Variants in DNAH2 observed in about 807,000 individuals in gnomAD.
DNAH2 encodes the protein axonemal beta dynein heavy chain 2.
In DNAH2, 323 loss-of-function variants were observed where a neutral mutation model predicts 523.5. That is an observed-to-expected ratio of 0.62 (90% CI 0.56 to 0.68). DNAH2 has a LOEUF of 0.68. Ranked by LOEUF, DNAH2 falls within the 30% of genes least tolerant of loss-of-function variation. The probability of loss-of-function intolerance (pLI) is 0.00; values close to 1 mark genes in which losing one functional copy is unlikely to be tolerated. For synonymous variants in DNAH2, 2,093 were observed against 2,177.4 expected, an observed-to-expected ratio of 0.96 and a Z score of 1.08; for missense variants, 4,907 against 5,701.5, an observed-to-expected ratio of 0.86 and a Z score of 4.49.
At position 7,792,846 on chromosome 17, in the gene DNAH2, G is replaced by T; in HGVS notation, c.7335G>T (p.Met2445Ile). 2 of 1,613,836 alleles carry T rather than the reference G, an allele frequency of 1.2e-6. No homozygotes were observed. The highest frequency in any genetic ancestry group is 1.7e-6 in the Non-Finnish European group (2 of 1,179,740). Reference protein sequence around the residue: ...SSQWSVLVVNMSAQTTSNNVQ... With the variant: ...SSQWSVLVVNISAQTTSNNVQ... ...AGTGGTCGGTGCTCGTTGTCAACAT[G>T]TCCGCACAGGTGTGTCGGGGATCCA... The change falls in exon 47 of 86, where the codon ATG (methionine) becomes ATT (isoleucine). Residue 2445 changes from methionine (M) to isoleucine (I), a missense_variant. By Grantham distance (10) the Met-to-Ile change is conservative. Transcript: ENST00000572933.
In DNAH2 at chr17:7,767,827, G is replaced by A. The variant is rs374021436; in HGVS notation, c.3676-73G>A. 1,591 of 1,597,900 alleles carry A rather than the reference G, an allele frequency of 1.0e-3. 32 individuals carry two copies. The South Asian group carries it at 0.017, about 17-fold the overall frequency. ...GGAAGCTTCACAGAGCGAGAGCAGC[G>A]AAGGGCCTGGGCGTCCGTCAGGGAG... On this transcript the variant is annotated intron_variant, in intron 22 of 85. Coordinates refer to ENST00000572933, the MANE Select transcript of DNAH2 (RefSeq NM_020877.5).
chr17:7,816,237 C>T (rs952865455), intron 63 of DNAH2, among the ~76,000 whole-genome samples: 2 of 152,204 alleles, frequency 1.3e-5, no homozygotes, highest in Admixed American at 6.5e-5. Flanking sequence ...CTGGCCTTCA[C>T]TTGCCACCAT....
At position 7,745,886 on chromosome 17, in the gene DNAH2, G is replaced by A. The variant is rs972240997; in HGVS notation, c.1904+2744G>A. Among the ~76,000 whole-genome samples, 3 of 152,052 alleles carry A rather than the reference G, an allele frequency of 2.0e-5. 1 individual carries two copies. The highest frequency in any genetic ancestry group is 2.0e-4 in the Admixed American group (3 of 15,272). On this transcript the variant is annotated intron_variant, in intron 12 of 85. Transcript: ENST00000572933. Reference sequence around the variant, plus strand: ...TTCTACTCGCCAGGGGTCAGCCAGCGAGAGTAGATACAGCATCAACTTCAG... The same window carrying A: ...TTCTACTCGCCAGGGGTCAGCCAGCAAGAGTAGATACAGCATCAACTTCAG...
intron 12 of DNAH2, among the ~76,000 whole-genome samples, chr17:7,750,948 C>G (rs2075664726): frequency 6.6e-6 from 1 of 152,012 alleles, no homozygotes; most frequent in Non-Finnish European, 1.5e-5. Flanking sequence ...GTAGAAAAGA[C>G]TAAAAAAATT....
chr17:7,812,391 G>A (rs551080722), intron 63 of DNAH2, among the ~76,000 whole-genome samples: 1 of 152,160 alleles, frequency 6.6e-6, no homozygotes, highest in Middle Eastern at 3.4e-3. Flanking sequence ...GCAGGGGCCG[G>A]GGGATTGCTT....
intron 63 of DNAH2, among the ~76,000 whole-genome samples, chr17:7,815,813 C>T (rs1334103426): frequency 6.6e-6 from 1 of 152,136 alleles, no homozygotes; most frequent in Non-Finnish European, 1.5e-5. Flanking sequence ...CTTCAGATTT[C>T]AGTGAATATA....
At position 7,788,107 on chromosome 17, in the gene DNAH2, C is replaced by T. The variant is rs779616636; in HGVS notation, c.6763C>T (p.Arg2255Cys). ...RPKAEVEPLQRMFEKLINKML... is the reference protein window; with the variant it reads ...RPKAEVEPLQCMFEKLINKML... ...CCAGGCTGAGGTGGAGCCCCTTCAA[C>T]GCATGTTCGAAAAGCTCATCAACAA... The change falls in exon 44 of 86, where the codon CGC (arginine) becomes TGC (cysteine). Residue 2255 changes from arginine (R) to cysteine (C), a missense_variant. Arg to Cys is a radical substitution (Grantham distance 180). Around this residue, in one of 3 missense-constraint regions of DNAH2, gnomAD observed 2,806 missense variants for 3,190.8 expected, o/e 0.88. Coordinates refer to ENST00000572933, the MANE Select transcript of DNAH2 (RefSeq NM_020877.5). 1.2e-5 allele frequency: 20 copies of T among 1,614,088 alleles called. No individual in the cohort carries two copies. The highest frequency in any genetic ancestry group is 1.2e-4 in the South Asian group (11 of 91,088).
rs1266609478 is a variant in DNAH2 at position 7,827,114 on chromosome 17, T to C, written c.11853+2387T>C. ...ACATTATGTGCTTGACATTCATTCA[T>C]GATGTTCTTCGCGTTTTGTAGTTCT... On this transcript the variant is annotated intron_variant, in intron 77 of 85. Coordinates refer to ENST00000572933, the MANE Select transcript of DNAH2 (RefSeq NM_020877.5). Among the ~76,000 whole-genome samples, 5 of 152,164 alleles carry C rather than the reference T, an allele frequency of 3.3e-5. No individual in the cohort carries two copies. In the East Asian group the frequency reaches 7.7e-4, roughly 23 times the overall value.
At chr17:7,811,885 A>T (rs556138126) in intron 63 of DNAH2, among the ~76,000 whole-genome samples, 1 of 152,334 alleles carries the variant, frequency 6.6e-6, no homozygotes, top group African/African-American at 2.4e-5. Flanking sequence ...CTGGAAAAGG[A>T]TGTTGTTCCT....
At chr17:7,817,914 A>C in intron 67 of DNAH2, 32 bp from the exon 68 acceptor site, 4 of 1,613,616 alleles carry the variant, frequency 2.5e-6, no homozygotes, top group Non-Finnish European at 1.7e-6. Flanking sequence ...CCTCTCCCGT[A>C]GTGTTCCTTC....
intron 12 of DNAH2, among the ~76,000 whole-genome samples, chr17:7,749,198 C>G (rs577245345): frequency 1.3e-4 from 19 of 150,576 alleles, no homozygotes; most frequent in African/African-American, 4.6e-4. Context: ...ATCCCAGCTA[C>G]TCAGGAGGCC....
chr17:7,758,586 C>T lies in DNAH2; in HGVS notation c.2143C>T (p.Leu715=), dbSNP rs772296416. 2.3e-5 allele frequency: 37 copies of T among 1,614,086 alleles called. No homozygotes were observed. The highest frequency in any genetic ancestry group is 3.3e-4 in the Middle Eastern group (2 of 6,084). ...DKKIHPGLKK[L]HWALKGASAF... is the part of the protein sequence containing the mutation. ...GAAGATCCACCCGGGACTCAAGAAA[C>T]TGCACTGGGCCTTGAAGGGGGCCAG... Residue 715 remains leucine, a synonymous_variant, in exon 14 of 86, where the codon CTG becomes TTG. Transcript: ENST00000572933.
At position 7,719,502 on chromosome 17, in the gene DNAH2, G is replaced by A. The variant is rs111439768; in HGVS notation, c.-14-219G>A. ...ACTTTGATTTTTAGCCCAGTGCCCC[G>A]AAGACAGTAGGATATCCTAGGGAAA... On this transcript the variant is annotated intron_variant, in intron 1 of 85. Coordinates refer to ENST00000572933, the MANE Select transcript of DNAH2 (RefSeq NM_020877.5). Among the ~76,000 whole-genome samples, 184 of 152,250 alleles carry A rather than the reference G, an allele frequency of 1.2e-3. 4 individuals carry two copies. The highest frequency in any genetic ancestry group is 3.8e-3 in the African/African-American group (157 of 41,544).
intron 1 of DNAH2, among the ~76,000 whole-genome samples, chr17:7,719,376 G>A (rs138879676): frequency 0.011 from 1,645 of 152,116 alleles, 25 homozygotes; most frequent in African/African-American, 0.037. Context: ...TGATCCACCC[G>A]GCTCGGCCTC....
At position 7,833,077 on chromosome 17, in the gene DNAH2, G is replaced by A. The variant is rs376965400; in HGVS notation, c.12985G>A (p.Val4329Ile). Residue 4329 changes from valine (V) to isoleucine (I), a missense_variant, in exon 85 of 86, where the codon GTC (valine) becomes ATC (isoleucine). This residue lies in a region of DNAH2 where 1,851 missense variants were observed against 2,139.4 expected (regional missense o/e 0.87). Transcript: ENST00000572933. The stretch of plus-strand genomic sequence containing the variant: ...TGCTCCCATTTCTCCCCAGGATGGT[G>A]TCTGGGTCCGGGGCCTGTACCTGGA... ...SNLVYPPKDG[V>I]WVRGLYLEGA... 2.5e-6 allele frequency: 4 copies of A among 1,613,344 alleles called. No homozygotes were observed. The highest frequency in any genetic ancestry group is 1.7e-5 in the Admixed American group (1 of 60,010).
intron 63 of DNAH2, among the ~76,000 whole-genome samples, chr17:7,815,065 C>T (rs2077621710): frequency 6.6e-6 from 1 of 152,210 alleles, no homozygotes; most frequent in African/African-American, 2.4e-5. Flanking sequence ...ATCTGCCTGC[C>T]TTGGCTTCCC....
At position 7,799,130 on chromosome 17, in the gene DNAH2, C is replaced by G; in HGVS notation, c.8587C>G (p.Arg2863Gly). ...EIQSHIIDQARVEQVPESSDS... is the reference protein window; with the variant it reads ...EIQSHIIDQAGVEQVPESSDS... ...CCAGTCGCATATCATAGACCAGGCCCGGGTGGAGCAGGTGCCTGAGTCATC... is the reference window on the plus strand; with the variant it reads ...CCAGTCGCATATCATAGACCAGGCCGGGGTGGAGCAGGTGCCTGAGTCATC... The change falls in exon 56 of 86, where the codon CGG becomes GGG. Residue 2863 changes from arginine (R) to glycine (G), a missense_variant. By Grantham distance (125) the Arg-to-Gly change is moderately radical. This residue lies in a region of DNAH2 where 1,851 missense variants were observed against 2,139.4 expected (regional missense o/e 0.87). Transcript: ENST00000572933. 6.2e-7 allele frequency: 1 copy of G among 1,614,166 alleles called. No homozygotes were observed. The highest frequency in any genetic ancestry group is 8.5e-7 in the Non-Finnish European group (1 of 1,180,036).
chr17:7,810,570 G>GT (rs2077488928), intron 63 of DNAH2, among the ~76,000 whole-genome samples: 1 of 152,024 alleles, frequency 6.6e-6, no homozygotes, highest in Non-Finnish European at 1.5e-5. Context: ...TGTATTTTTA[G>GT]TAGAGATGGG....
chr17:7,765,684 G>A (rs1422696900), intron 21 of DNAH2, 119 bp downstream of exon 21: 8 of 1,195,016 alleles, frequency 6.7e-6, no homozygotes, highest in African/African-American at 1.5e-5. Context: ...TGCTGGGGTG[G>A]GGGAAGAGCC....
Sources: gnomAD v4.1 joint callset for allele counts (sites outside exome capture counted in the v4.1 genomes callset) on GRCh38, gnomAD v4.1.1 for gene constraint, gnomAD v4.1.1 regional missense constraint, MANE v1.5 for transcripts, NCBI Gene and HGNC (gene_info 2026-07-23, HGNC 2026-07-21) for gene names.